CCSER1: variants seen among roughly 807,000 people sequenced by gnomAD.
CCSER1 encodes coiled-coil serine rich protein 1.
Under a neutral mutation model 82.0 loss-of-function variants are expected in CCSER1, and 41 were observed. The observed-to-expected ratio is 0.50, with a 90% CI of 0.39 to 0.65. The LOEUF is 0.65. Ranked by LOEUF, CCSER1 falls within the 30% of genes least tolerant of loss-of-function variation. The pLI, the probability that CCSER1 is intolerant of heterozygous loss-of-function variation, is 0.00. For missense variants in CCSER1, 1,119 were observed against 1,064.2 expected, an observed-to-expected ratio of 1.05 and a Z score of -0.72; for synonymous variants, 414 against 383.9, an observed-to-expected ratio of 1.08 and a Z score of -0.92.
chr4:90,258,292 A>C (rs181479469), intron 1 of CCSER1, among the ~76,000 whole-genome samples: 1 of 152,178 alleles, frequency 6.6e-6, no homozygotes, highest in Admixed American at 6.5e-5. Flanking sequence ...CGGCAGGTGG[A>C]TCATGAGGTC....
At chr4:90,333,174 A>T (rs140156932) in intron 3 of CCSER1, among the ~76,000 whole-genome samples, 12 of 152,132 alleles carry the variant, frequency 7.9e-5, no homozygotes, top group Non-Finnish European at 1.8e-4. Flanking sequence ...ATTCCTGGTG[A>T]TGTTACTTTT....
chr4:91,286,254 T>C (rs756481338), intron 10 of CCSER1, among the ~76,000 whole-genome samples: 1 of 151,802 alleles, frequency 6.6e-6, no homozygotes, highest in Non-Finnish European at 1.5e-5. Flanking sequence ...CTGTATAGCT[T>C]TTAATTAACA....
rs147764618 is a variant in CCSER1, at chr4:91,280,542, C to A, written c.2217+194548C>A. Among the ~76,000 whole-genome samples the A allele has an allele frequency of 3.9e-4, 60 of 152,186 alleles. 1 individual carries two copies. The highest frequency in any genetic ancestry group is 7.4e-4 in the Non-Finnish European group (50 of 67,998). The stretch of plus-strand genomic sequence containing the variant: ...GCTGAGAGAGGTGGATAGGACAGGG[C>A]GATCCCCAGAACCCTGGTGAAATGC... On this transcript the variant is annotated intron_variant, in intron 10 of 10. Coordinates refer to ENST00000509176, the MANE Select transcript of CCSER1 (RefSeq NM_001145065.2).
intron 3 of CCSER1, among the ~76,000 whole-genome samples, chr4:90,355,026 T>C (rs1356271093): frequency 6.6e-6 from 1 of 152,092 alleles, no homozygotes; most frequent in African/African-American, 2.4e-5. Context: ...GTCTATCTCA[T>C]TAACTCTACT....
In CCSER1 at chr4:90,309,987, G is replaced by A. The variant is rs79049395; in HGVS notation, c.1324+379G>A. Reference sequence around the variant, plus strand: ...TATAGAGTTTATTATAGAGGCATTGGTATTTCTTATTTAATGAAATGGATA... The same window carrying A: ...TATAGAGTTTATTATAGAGGCATTGATATTTCTTATTTAATGAAATGGATA... On this transcript the variant is annotated intron_variant, in intron 2 of 10. Coordinates refer to ENST00000509176, the MANE Select transcript of CCSER1 (RefSeq NM_001145065.2). Among the ~76,000 whole-genome samples, 541 of 152,026 alleles carry A rather than the reference G, an allele frequency of 3.6e-3. 5 individuals are homozygous for A. The highest frequency in any genetic ancestry group is 0.014 in the Middle Eastern group (4 of 294).
intron 6 of CCSER1, among the ~76,000 whole-genome samples, chr4:90,670,641 A>G (rs1732623241): frequency 6.6e-6 from 1 of 152,078 alleles, no homozygotes; most frequent in South Asian, 2.1e-4. Flanking sequence ...GGATCAAATA[A>G]AGAGAGTGTG....
In CCSER1 at chr4:90,361,651, C is replaced by T. The variant is rs10012370; in HGVS notation, c.1510-38385C>T. On this transcript the variant is annotated intron_variant, in intron 3 of 10. Transcript: ENST00000509176. The stretch of plus-strand genomic sequence containing the variant: ...AGGTAGTTTTTCAGCCCTTGCCCTC[C>T]TTTGCCTCTCGTCTAGCAGTCCCCA... Among the ~76,000 whole-genome samples, 1,231 of 152,352 alleles carry T rather than the reference C, an allele frequency of 8.1e-3. 14 individuals carry two copies. The highest frequency in any genetic ancestry group is 0.028 in the African/African-American group (1,184 of 41,584).
chr4:91,578,790 T>C (rs1763584228), intron 10 of CCSER1, among the ~76,000 whole-genome samples: 1 of 151,978 alleles, frequency 6.6e-6, no homozygotes, highest in Non-Finnish European at 1.5e-5. Flanking sequence ...ATATTGATTA[T>C]TCTGCAGCTG....
chr4:91,141,267 C>T (rs1729000758), intron 10 of CCSER1, among the ~76,000 whole-genome samples: 2 of 151,934 alleles, frequency 1.3e-5, no homozygotes, highest in African/African-American at 4.8e-5. Flanking sequence ...GATTCTCCTG[C>T]CTCAGCCTCC....
intron 4 of CCSER1, among the ~76,000 whole-genome samples, chr4:90,408,005 A>T (rs981958691): frequency 6.6e-6 from 1 of 152,190 alleles, no homozygotes; most frequent in Non-Finnish European, 1.5e-5. Context: ...CATGGCTCAG[A>T]GGGTCCTACG....
intron 10 of CCSER1, among the ~76,000 whole-genome samples, chr4:91,187,615 G>A (rs980882577): frequency 2.0e-5 from 3 of 151,714 alleles, no homozygotes; most frequent in East Asian, 1.9e-4. Flanking sequence ...GCAGTGATGC[G>A]ATCTCGGCTC....
At chr4:90,816,211 A>T (rs1246769917) in intron 8 of CCSER1, among the ~76,000 whole-genome samples, 1 of 152,232 alleles carries the variant, frequency 6.6e-6, no homozygotes. Context: ...AATATAAAGC[A>T]AAATACTTGA....
intron 10 of CCSER1, among the ~76,000 whole-genome samples, chr4:91,425,017 T>C (rs1381073650): frequency 2.0e-5 from 3 of 152,242 alleles, no homozygotes; most frequent in South Asian, 2.1e-4. Context: ...TGTTTAAATA[T>C]GCCTATTTTT....
intron 1 of CCSER1, among the ~76,000 whole-genome samples, chr4:90,246,026 G>A (rs1721343863): frequency 1.3e-5 from 2 of 152,172 alleles, no homozygotes; most frequent in African/African-American, 4.8e-5. Flanking sequence ...GCCTGTCATA[G>A]GAGGGAGAAT....
At chr4:90,201,992 A>G (rs1341655839) in intron 1 of CCSER1, among the ~76,000 whole-genome samples, 1 of 152,162 alleles carries the variant, frequency 6.6e-6, no homozygotes, top group Non-Finnish European at 1.5e-5. Flanking sequence ...AGTTATTCTT[A>G]ATATTTTTTC....
intron 10 of CCSER1, among the ~76,000 whole-genome samples, chr4:91,440,036 G>T (rs1346561110): frequency 6.6e-6 from 1 of 151,850 alleles, no homozygotes; most frequent in African/African-American, 2.4e-5. Flanking sequence ...ACACCCCACT[G>T]TCAACATTAG....
chr4:91,437,362 T>C (rs939204711), intron 10 of CCSER1, among the ~76,000 whole-genome samples: 1 of 152,156 alleles, frequency 6.6e-6, no homozygotes, highest in African/African-American at 2.4e-5. Flanking sequence ...CATAATGTCA[T>C]AAAACAAGAA....
At chr4:91,125,258 T>A (rs1456699338) in intron 10 of CCSER1, among the ~76,000 whole-genome samples, 1 of 151,646 alleles carries the variant, frequency 6.6e-6, no homozygotes, top group Non-Finnish European at 1.5e-5. Flanking sequence ...GGGAATAAAT[T>A]CTCATTAAAA....
At chr4:91,358,211 G>A (rs1748986511) in intron 10 of CCSER1, among the ~76,000 whole-genome samples, 1 of 151,820 alleles carries the variant, frequency 6.6e-6, no homozygotes, top group African/African-American at 2.4e-5. Flanking sequence ...AGGAAAGGGG[G>A]TCTAAAACCA....
Sources: gnomAD v4.1 joint callset for allele counts (sites outside exome capture counted in the v4.1 genomes callset) on GRCh38, gnomAD v4.1.1 for gene constraint, MANE v1.5 for transcripts, NCBI Gene and HGNC (gene_info 2026-07-23, HGNC 2026-07-21) for gene names.